RPTOR: variants seen among roughly 807,000 people sequenced by gnomAD.
RPTOR encodes regulatory associated protein of MTOR complex 1, also known as regulatory-associated protein of mTOR.
A neutral mutation model predicts 169.9 loss-of-function variants in RPTOR; 21 were observed. The ratio of observed to expected loss-of-function variants is 0.12; its 90% CI spans 0.09 to 0.18. The LOEUF (loss-of-function observed/expected upper bound fraction) is 0.18, where lower values mean the gene tolerates loss of function less well. Ranked by LOEUF, RPTOR falls within the 10% of genes least tolerant of loss-of-function variation. RPTOR has a pLI of 1.00. For synonymous variants in RPTOR, 732 were observed against 753.2 expected, an observed-to-expected ratio of 0.97 and a Z score of 0.46; for missense variants, 1,133 against 1,855.9, an observed-to-expected ratio of 0.61 and a Z score of 7.16.
At chr17:80,551,909 G>A (rs1006718521) in intron 1 of RPTOR, among the ~76,000 whole-genome samples, 1 of 152,174 alleles carries the variant, frequency 6.6e-6, no homozygotes, top group African/African-American at 2.4e-5. Context: ...GGGTACTTGA[G>A]ATTAGGGAGT....
At chr17:80,563,214 G>GT (rs5822358) in intron 1 of RPTOR, among the ~76,000 whole-genome samples, 28 of 149,618 alleles carry the variant, frequency 1.9e-4, no homozygotes, top group African/African-American at 3.7e-4. Flanking sequence ...TCCCTGAAGA[G>GT]TTTTTTTTTT....
At chr17:80,675,227 C>T (rs912439337) in intron 3 of RPTOR, among the ~76,000 whole-genome samples, 2 of 152,130 alleles carry the variant, frequency 1.3e-5, no homozygotes, top group Admixed American at 6.5e-5. Flanking sequence ...GTTGGCTGTT[C>T]GTCATGGTGC....
At chr17:80,577,033 CTTT>C (rs11451555) in intron 1 of RPTOR, among the ~76,000 whole-genome samples, 3 of 142,776 alleles carry the variant, frequency 2.1e-5, no homozygotes, top group South Asian at 4.5e-4. Flanking sequence ...AGTCATAATT[CTTT>C]TTTTTTTTTT....
At chr17:80,909,854 GCTTT>G (rs2068591315) in intron 21 of RPTOR, 1 of 152,192 alleles carries the variant, frequency 6.6e-6, no homozygotes, top group African/African-American at 2.4e-5. Context: ...AATAAAGCTT[GCTTT>G]CTTCTGCTTA....
intron 5 of RPTOR, among the ~76,000 whole-genome samples, chr17:80,738,835 A>G (rs1252845794): frequency 6.6e-6 from 1 of 152,208 alleles, no homozygotes; most frequent in Non-Finnish European, 1.5e-5. Context: ...TGTATCCATG[A>G]TGCATTAAAT....
intron 6 of RPTOR, among the ~76,000 whole-genome samples, chr17:80,781,340 C>T (rs1023536634): frequency 1.3e-5 from 2 of 152,306 alleles, no homozygotes. Context: ...GTTCCCTCAT[C>T]GTAGGGTCAG....
intron 3 of RPTOR, among the ~76,000 whole-genome samples, chr17:80,673,773 G>T (rs1394643438): frequency 6.6e-6 from 1 of 152,206 alleles, no homozygotes; most frequent in Admixed American, 6.5e-5. Flanking sequence ...GCTCTGGTCT[G>T]CAGCTCATCT....
At chr17:80,923,814 C>G (rs539133433) in intron 23 of RPTOR, 141 bp downstream of exon 23, 131 of 940,210 alleles carry the variant, frequency 1.4e-4, no homozygotes, top group Non-Finnish European at 1.7e-4. Context: ...CTGTGGGCCA[C>G]TCTCTGCCTT....
chr17:80,927,920 C>T (rs1455401838), intron 24 of RPTOR, among the ~76,000 whole-genome samples: 1 of 152,098 alleles, frequency 6.6e-6, no homozygotes, highest in Non-Finnish European at 1.5e-5. Flanking sequence ...GCCCTGCCAG[C>T]AGGTCCTGCT....
In RPTOR at chr17:80,608,133, C is replaced by T. The variant is rs533173106; in HGVS notation, c.163-17558C>T. On this transcript the variant is annotated intron_variant, in intron 1 of 33. Transcript: ENST00000306801. ...TTTGATTTTGAGAGTGATAGACTCT[C>T]TCATTTTTCAGTTTACTGAGCAGGG... Among the ~76,000 whole-genome samples the T allele has an allele frequency of 3.9e-5, 6 of 152,314 alleles. No homozygotes were observed. In the South Asian group the frequency reaches 1.2e-3, roughly 32 times the overall value.
At chr17:80,842,072 C>T (rs1010015019) in intron 10 of RPTOR, among the ~76,000 whole-genome samples, 15 of 152,216 alleles carry the variant, frequency 9.9e-5, no homozygotes, top group African/African-American at 3.6e-4. Flanking sequence ...CGCTGCAGCT[C>T]ACATTCATTG....
rs571205535 is a variant in RPTOR, at chr17:80,728,945, G to A, written c.508-1615G>A. On this transcript the variant is annotated intron_variant, in intron 4 of 33. Coordinates refer to ENST00000306801, the MANE Select transcript of RPTOR (RefSeq NM_020761.3). The stretch of plus-strand genomic sequence containing the variant: ...TGATTATAAACAGTCCACCAAACGC[G>A]GACAGTTTTAACAACATGTTTGGCA... Among the ~76,000 whole-genome samples the A allele has an allele frequency of 2.8e-4, 42 of 152,230 alleles. No individual in the cohort carries two copies. The South Asian group carries it at 7.5e-3, about 27-fold the overall frequency.
At chr17:80,564,274 G>C (rs1429753659) in intron 1 of RPTOR, among the ~76,000 whole-genome samples, 2 of 152,028 alleles carry the variant, frequency 1.3e-5, no homozygotes, top group Non-Finnish European at 2.9e-5. Context: ...GTGTTAGCAA[G>C]GATGGTCTCA....
At chr17:80,569,268 G>C (rs571883317) in intron 1 of RPTOR, among the ~76,000 whole-genome samples, 12 of 152,236 alleles carry the variant, frequency 7.9e-5, no homozygotes, top group African/African-American at 2.4e-4. Context: ...TCTGCGTTTT[G>C]TTTTCTGCAT....
At chr17:80,798,643 G>T (rs907284254) in intron 7 of RPTOR, among the ~76,000 whole-genome samples, 3 of 152,064 alleles carry the variant, frequency 2.0e-5, no homozygotes, top group Non-Finnish European at 1.5e-5. Flanking sequence ...TCTTGGAAGC[G>T]ACACCCTATG....
At chr17:80,940,946 G>A (rs1009818579) in intron 25 of RPTOR, among the ~76,000 whole-genome samples, 6 of 152,230 alleles carry the variant, frequency 3.9e-5, no homozygotes, top group African/African-American at 1.4e-4. Flanking sequence ...GGAACTCATG[G>A]AGGCGGAACT....
rs961111204 is a variant in RPTOR at position 80,904,156 on chromosome 17, G to A, written c.2402-4655G>A. Among the ~76,000 whole-genome samples the A allele has an allele frequency of 1.2e-4, 18 of 152,350 alleles. No homozygotes were observed. In the East Asian group the frequency reaches 1.5e-3, roughly 13 times the overall value. On this transcript the variant is annotated intron_variant, in intron 20 of 33. Transcript: ENST00000306801. The stretch of plus-strand genomic sequence containing the variant: ...CGGCCGGCCCAGGAGGAGGGAGGGC[G>A]GAGCGGCTGGTCAGCGTGATTCTCG...
Position 80,548,371 on chromosome 17 carries a change from GTTTTTTTTTT to G in RPTOR, c.162+2598_162+2607del, listed in dbSNP as rs34301408. On this transcript the variant is annotated intron_variant, in intron 1 of 33. Transcript: ENST00000306801. The stretch of plus-strand genomic sequence containing the variant: ...CAGCCAACACGCTCAGCCTGGGGTG[GTTTTTTTTTT>G]TTTTTTTTTTTTTTTTTGAGATGGA... Among the ~76,000 whole-genome samples, 4 of 63,440 alleles carry G rather than the reference GTTTTTTTTTT, an allele frequency of 6.3e-5. 1 individual carries two copies. The Admixed American group carries it at 1.0e-3, about 16-fold the overall frequency. 41.6% of individuals were successfully genotyped at this position (63,440 alleles called of 152,430 possible).
intron 24 of RPTOR, among the ~76,000 whole-genome samples, chr17:80,935,389 TAA>T (rs1555637731): frequency 6.6e-6 from 1 of 152,140 alleles, no homozygotes; most frequent in Non-Finnish European, 1.5e-5. Flanking sequence ...GAAACTAAAA[TAA>T]CCAGAACAAT....
Sources: gnomAD v4.1 joint callset for allele counts (sites outside exome capture counted in the v4.1 genomes callset) on GRCh38, gnomAD v4.1.1 for gene constraint, MANE v1.5 for transcripts, NCBI Gene and HGNC (gene_info 2026-07-23, HGNC 2026-07-21) for gene names.